The following NBR1 variants were observed in gnomAD, a reference collection of about 807,000 sequenced individuals.
NBR1 encodes the protein NBR1 autophagy cargo receptor.
In NBR1, 59 loss-of-function variants were observed where a neutral mutation model predicts 115.5. The observed-to-expected ratio is 0.51, with a 90% CI of 0.41 to 0.63. The LOEUF (loss-of-function observed/expected upper bound fraction) is 0.63. NBR1 is among the 30% of genes least tolerant of loss of function. NBR1 has a pLI of 0.00. For missense variants in NBR1, 1,043 were observed against 1,150.5 expected (o/e 0.91, Z 1.35); for synonymous variants, 373 against 414.7 (o/e 0.90, Z 1.22).
At chr17:43,181,614 C>T (rs1023589008) in intron 5 of NBR1, among the ~76,000 whole-genome samples, 4 of 151,542 alleles carry the variant, frequency 2.6e-5, no homozygotes, top group Admixed American at 6.6e-5. Context: ...TGCAGTGAGC[C>T]GAGATCGTGC....
intron 20 of NBR1, among the ~76,000 whole-genome samples, chr17:43,206,461 G>A (rs994482372): frequency 2.2e-4 from 33 of 151,868 alleles, no homozygotes; most frequent in Admixed American, 9.2e-4. Flanking sequence ...TTCAAGACCA[G>A]CCTGGCCAAT....
intron 5 of NBR1, 113 bp from the exon 6 acceptor site, chr17:43,186,137 C>G: frequency 2.3e-6 from 2 of 855,772 alleles, no homozygotes; most frequent in Non-Finnish European, 3.6e-6. Context: ...AAACACAAAT[C>G]CTAGTATTTT....
chr17:43,191,588 C>T lies in NBR1; in HGVS notation c.1073+7C>T. The T allele has an allele frequency of 1.3e-6, 2 of 1,597,074 alleles. No homozygotes were observed. Among genetic ancestry groups the T allele is most frequent in the Non-Finnish European group, 8.5e-7 (1 of 1,172,400 alleles). On this transcript the variant is annotated splice_region_variant and intron_variant, in intron 10 of 20. Coordinates refer to ENST00000590996, the MANE Select transcript of NBR1 (RefSeq NM_005899.5). ...TCCAGTCTAATACCCTGATGTAAGC[C>T]CAGGACTGGGGTGGGAGCCAAAACT...
At chr17:43,175,994 A>T in intron 2 of NBR1, 93 bp downstream of exon 2, 1 of 731,698 alleles carries the variant, frequency 1.4e-6, no homozygotes, top group South Asian at 1.8e-5. Context: ...CATAGCTGTG[A>T]AGTCTGTCAT....
At chr17:43,196,762 C>CT (rs556997612) in intron 15 of NBR1, among the ~76,000 whole-genome samples, 171 bp downstream of exon 15, 47 of 152,262 alleles carry the variant, frequency 3.1e-4, no homozygotes, top group Admixed American at 2.7e-3. Context: ...GCAGCTATTC[C>CT]TTGGTTTAGT....
intron 8 of NBR1, chr17:43,190,120 G>T (rs1489658531): frequency 3.3e-6 from 1 of 306,794 alleles, no homozygotes; most frequent in South Asian, 3.9e-5. Context: ...TGGTGACAGG[G>T]TCTCTGTCAC....
chr17:43,181,505 A>T (rs935031223), intron 5 of NBR1, among the ~76,000 whole-genome samples: 6 of 127,372 alleles, frequency 4.7e-5, no homozygotes, highest in Non-Finnish European at 1.7e-5. Flanking sequence ...CCCTGTCTCT[A>T]CTAAAAATAC....
chr17:43,193,592 G>A lies in NBR1; in HGVS notation c.1478G>A (p.Gly493Asp), dbSNP rs2057001924. 4.3e-6 allele frequency: 7 copies of A among 1,611,484 alleles called. No homozygotes were observed. The East Asian group carries it at 1.3e-4, about 31-fold the overall frequency. ...GAGAGCCCTGATAACATTGAAAAGGGCATGATCAGCTCAAGCAAAACTGAT... is the reference window on the plus strand; with the variant it reads ...GAGAGCCCTGATAACATTGAAAAGGACATGATCAGCTCAAGCAAAACTGAT... ...SEESPDNIEK[G>D]MISSSKTDDL... The change falls in exon 12 of 21, where the codon GGC becomes GAC. Residue 493 changes from glycine to aspartate, a missense_variant. Coordinates refer to ENST00000590996, the MANE Select transcript of NBR1 (RefSeq NM_005899.5).
intron 13 of NBR1, 92 bp downstream of exon 13, chr17:43,194,591 G>A: frequency 7.2e-7 from 1 of 1,388,804 alleles, no homozygotes; most frequent in Non-Finnish European, 1.0e-6. Flanking sequence ...CAGGAAATCA[G>A]AGATATGCCC....
At chr17:43,205,732 G>T (rs950123499) in intron 20 of NBR1, among the ~76,000 whole-genome samples, 1 of 152,004 alleles carries the variant, frequency 6.6e-6, no homozygotes, top group African/African-American at 2.4e-5. Flanking sequence ...TAAAAAATTA[G>T]CTGGGCATGG....
At chr17:43,194,674 C>G (rs2057026467) in intron 13 of NBR1, 175 bp downstream of exon 13, 3 of 752,746 alleles carry the variant, frequency 4.0e-6, no homozygotes, top group Non-Finnish European at 6.5e-6. Flanking sequence ...CTAGATGTTT[C>G]CTCTTTGAAT....
chr17:43,185,096 GAA>G (rs200184405), intron 5 of NBR1, among the ~76,000 whole-genome samples: 19 of 131,928 alleles, frequency 1.4e-4, no homozygotes, highest in South Asian at 1.1e-3. Flanking sequence ...TCAAAAAAAA[GAA>G]AAAAAAAAAA....
At position 43,210,633 on chromosome 17, in the gene NBR1, A is replaced by C. The variant is rs1218554855; in HGVS notation, c.*559A>C. 7 of 398,424 alleles carry C rather than the reference A, an allele frequency of 1.8e-5. No homozygotes were observed. The highest frequency in any genetic ancestry group is 2.5e-4 in the South Asian group (2 of 7,858). 24.7% of individuals were successfully genotyped at this position (398,424 alleles called of 1,614,324 possible). ...GAAAGTAATTTTCCTGCAATACTTA[A>C]TAATTGGCACCGTTGCTTTCTAAAG... On this transcript the variant is annotated 3_prime_UTR_variant, in exon 21 of 21. Transcript: ENST00000590996.
At chr17:43,202,306 G>A (rs1212853690) in intron 18 of NBR1, among the ~76,000 whole-genome samples, 2 of 152,054 alleles carry the variant, frequency 1.3e-5, no homozygotes, top group African/African-American at 4.8e-5. Flanking sequence ...AGGCTTTGGA[G>A]CCAAACAATC....
rs370959714 is a variant in NBR1, at chr17:43,200,414, A to G, written c.2274A>G (p.Pro758=). ...DSMYSSALSQ[P]GLERGAEGKP... is the part of the protein sequence containing the mutation. ...TGTACAGCTCTGCGCTCTCACAGCC[A>G]GGCCTGGAGCGAGGTGCTGAAGGCA... Residue 758 remains proline, a synonymous_variant, in exon 17 of 21, where the codon CCA becomes CCG. Transcript: ENST00000590996. The G allele has an allele frequency of 1.9e-6, 3 of 1,607,782 alleles. No individual in the cohort carries two copies. The highest frequency in any genetic ancestry group is 1.7e-6 in the Non-Finnish European group (2 of 1,177,210).
In NBR1 at chr17:43,196,566, A is replaced by C. The variant is rs761964077; in HGVS notation, c.1836A>C (p.Glu612Asp). Reference protein sequence around the residue: ...PGLGQIEEENEGAGFKALPDS... With the variant: ...PGLGQIEEENDGAGFKALPDS... ...TGGGGCAGATAGAGGAAGAGAATGA[A>C]GGGGCAGGATTTAAAGCACTTCCTG... The change falls in exon 15 of 21, where the codon GAA (glutamate) becomes GAC (aspartate). Residue 612 changes from glutamate to aspartate, a missense_variant. Physicochemically the swap from Glu to Asp is conservative, Grantham distance 45. Coordinates refer to ENST00000590996, the MANE Select transcript of NBR1 (RefSeq NM_005899.5). 1 of 1,605,118 alleles carries C rather than the reference A, an allele frequency of 6.2e-7. No homozygotes were observed. The highest frequency in any genetic ancestry group is 1.1e-5 in the South Asian group (1 of 89,148).
Position 43,196,951 on chromosome 17 carries a change from T to C in NBR1, c.1871T>C (p.Val624Ala). 1 of 1,613,938 alleles carries C rather than the reference T, an allele frequency of 6.2e-7. No individual in the cohort carries two copies. The highest frequency in any genetic ancestry group is 8.5e-7 in the Non-Finnish European group (1 of 1,179,874). Residue 624 changes from valine (V) to alanine (A), a missense_variant, in exon 16 of 21, where the codon GTG becomes GCG. By Grantham distance (64) the Val-to-Ala change is moderately conservative. Transcript: ENST00000590996. The stretch of plus-strand genomic sequence containing the variant: ...TTCGTGTGTCTTTCAGATTCTATGG[T>C]GTCAGTAAAGAGGAAGGCTGAGAAC... ...AGFKALPDSMVSVKRKAENIA... is the reference protein window; with the variant it reads ...AGFKALPDSMASVKRKAENIA...
intron 7 of NBR1, 68 bp from the exon 8 acceptor site, chr17:43,189,520 T>G (rs2056893396): frequency 1.8e-6 from 2 of 1,096,146 alleles, no homozygotes; most frequent in Admixed American, 1.8e-5. Flanking sequence ...TCAGATCTAT[T>G]GATATCTTCA....
chr17:43,198,125 G>A (rs1205437863), intron 16 of NBR1, among the ~76,000 whole-genome samples: 6 of 150,166 alleles, frequency 4.0e-5, no homozygotes, highest in African/African-American at 1.2e-4. Flanking sequence ...CCGAGATGGC[G>A]CCATTGCACT....
Sources: gnomAD v4.1 joint callset for allele counts (sites outside exome capture counted in the v4.1 genomes callset) on GRCh38, gnomAD v4.1.1 for gene constraint, MANE v1.5 for transcripts, NCBI Gene and HGNC (gene_info 2026-07-23, HGNC 2026-07-21) for gene names.